Variants in GPHN observed in about 807,000 individuals in gnomAD.
GPHN encodes the protein gephyrin.
GPHN carries 17 observed loss-of-function variants against 95.5 expected under a neutral mutation model. The observed-to-expected ratio is 0.18, with a 90% CI of 0.12 to 0.27. The LOEUF is 0.27. GPHN is among the 10% of genes least tolerant of loss of function. The pLI, the probability that GPHN is intolerant of heterozygous loss-of-function variation, is 1.00. For missense variants in GPHN, 660 were observed against 978.1 expected (o/e 0.67, Z 4.34); for synonymous variants, 320 against 322.5 (o/e 0.99, Z 0.08).
the GPHN span, chr14:67,647,741 T>C: frequency 4.0e-6 from 1 of 248,992 alleles, no homozygotes; most frequent in Non-Finnish European, 7.7e-6. Context: ...GAAATCTCTC[T>C]ATTGACAGTT....
At chr14:67,015,890 C>T (rs1471179727) in intron 9 of GPHN, among the ~76,000 whole-genome samples, 1 of 151,968 alleles carries the variant, frequency 6.6e-6, no homozygotes, top group Non-Finnish European at 1.5e-5. Context: ...ATGATTAGTC[C>T]ATCTGAACCA....
chr14:67,067,380 A>T (rs1242898652), intron 11 of GPHN, among the ~76,000 whole-genome samples: 1 of 152,020 alleles, frequency 6.6e-6, no homozygotes, highest in African/African-American at 2.4e-5. Context: ...CTACTAGGAG[A>T]TGTCTTTCAG....
chr14:67,702,403 C>CTT, the GPHN span, among the ~76,000 whole-genome samples: 1 of 152,086 alleles, frequency 6.6e-6, no homozygotes, highest in Non-Finnish European at 1.5e-5. Flanking sequence ...AGCTGTATTT[C>CTT]TTAAACCAAC....
At chr14:66,883,350 C>G (rs2064023244) in intron 5 of GPHN, among the ~76,000 whole-genome samples, 1 of 151,786 alleles carries the variant, frequency 6.6e-6, no homozygotes, top group African/African-American at 2.4e-5. Context: ...TCTAAATTCT[C>G]CATTTGGTTT....
chr14:66,871,962 T>TA (rs891197072), intron 4 of GPHN, among the ~76,000 whole-genome samples: 4 of 152,140 alleles, frequency 2.6e-5, no homozygotes, highest in African/African-American at 9.7e-5. Context: ...TTTAAATACG[T>TA]AAAAAAAGAT....
chr14:67,689,174 C>A, the GPHN span, among the ~76,000 whole-genome samples: 1 of 152,202 alleles, frequency 6.6e-6, no homozygotes, highest in South Asian at 2.1e-4. Flanking sequence ...TAAAAGATGT[C>A]ATGCCCTGGG....
At chr14:66,918,750 C>T (rs2066047265) in intron 6 of GPHN, among the ~76,000 whole-genome samples, 1 of 152,042 alleles carries the variant, frequency 6.6e-6, no homozygotes, top group East Asian at 1.9e-4. Flanking sequence ...TTCCAAGGAC[C>T]TAGAGATCAC....
At chr14:67,284,687 T>C in the GPHN span, among the ~76,000 whole-genome samples, 4 of 148,108 alleles carry the variant, frequency 2.7e-5, no homozygotes, top group Non-Finnish European at 5.9e-5. Context: ...ACCACGAATA[T>C]ACTTTCTTTT....
chr14:67,432,208 G>C, the GPHN span, among the ~76,000 whole-genome samples: 1 of 152,164 alleles, frequency 6.6e-6, no homozygotes, highest in Non-Finnish European at 1.5e-5. Context: ...AATCATTATT[G>C]TCTCCACTTA....
intron 9 of GPHN, among the ~76,000 whole-genome samples, chr14:66,997,273 A>G (rs536132004): frequency 5.7e-4 from 86 of 151,378 alleles, no homozygotes; most frequent in Non-Finnish European, 1.1e-3. Flanking sequence ...AGGCTGAGGC[A>G]GGAGAATCAC....
chr14:67,722,452 G>T, the GPHN span: 1 of 674,296 alleles, frequency 1.5e-6, no homozygotes, highest in Non-Finnish European at 2.7e-6. Flanking sequence ...GCTGTGCTCT[G>T]ACAGCTCTTG....
chr14:67,049,761 T>G (rs1201932828), intron 10 of GPHN, among the ~76,000 whole-genome samples: 1 of 152,190 alleles, frequency 6.6e-6, no homozygotes, highest in East Asian at 1.9e-4. Flanking sequence ...TCCGCCCACC[T>G]CAGCCTCCCA....
the GPHN span, chr14:67,578,486 G>A: frequency 8.1e-7 from 1 of 1,232,090 alleles, no homozygotes; most frequent in Non-Finnish European, 1.2e-6. The surrounding 1 kb of genome is among the most constrained non-coding windows in gnomAD (Gnocchi z 5.0). Flanking sequence ...GAGGACAGGT[G>A]GTGCTGTAGG....
At chr14:67,586,184 C>A in the GPHN span, 5 of 1,428,604 alleles carry the variant, frequency 3.5e-6, no homozygotes, top group Non-Finnish European at 4.9e-6. Context: ...TATGCTAGTG[C>A]TCTGCAAGGG....
chr14:67,487,475 C>T, the GPHN span, among the ~76,000 whole-genome samples: 3 of 152,202 alleles, frequency 2.0e-5, no homozygotes, highest in African/African-American at 7.2e-5. Flanking sequence ...TAGAATCCAG[C>T]TCCATTCTCA....
chr14:67,026,866 TCTC>T (rs2073952906), intron 10 of GPHN, among the ~76,000 whole-genome samples: 1 of 152,118 alleles, frequency 6.6e-6, no homozygotes, highest in Admixed American at 6.5e-5. Context: ...ATGGTCTCGA[TCTC>T]CTGACCTCGT....
intron 8 of GPHN, among the ~76,000 whole-genome samples, chr14:66,932,826 T>G (rs1008279704): frequency 6.6e-6 from 1 of 152,082 alleles, no homozygotes. Context: ...CTCCAGGAGC[T>G]AAGGTTAAGA....
chr14:67,376,466 G>C, the GPHN span: 1 of 1,612,696 alleles, frequency 6.2e-7, no homozygotes, highest in Non-Finnish European at 8.5e-7. Flanking sequence ...TCATGTTGCT[G>C]AGGTGTTAGA....
the GPHN span, chr14:67,585,698 A>G: frequency 1.5e-6 from 2 of 1,365,734 alleles, no homozygotes; most frequent in East Asian, 5.0e-5. Context: ...CCTCTTCCTC[A>G]ACATGGTCTT....
Sources: allele counts gnomAD v4.1 joint callset (sites outside exome capture counted in the v4.1 genomes callset), GRCh38; gene constraint gnomAD v4.1.1; non-coding constraint Gnocchi (gnomAD v3.1); transcripts MANE v1.5; gene names NCBI Gene and HGNC (gene_info 2026-07-23, HGNC 2026-07-21).